The following DNAJB6 variants were observed in gnomAD, a reference collection of about 807,000 sequenced individuals.
The protein encoded by DNAJB6 is dnaJ homolog subfamily B member 6.
DNAJB6 carries 16 observed loss-of-function variants against 42.7 expected under a neutral mutation model. That is an observed-to-expected ratio of 0.37 (90% CI 0.25 to 0.57). The LOEUF is 0.57. Among genes scored for constraint, DNAJB6 ranks in the 20% least tolerant of loss-of-function variants. The pLI is 0.74. For synonymous variants in DNAJB6, 170 were observed against 163.5 expected (o/e 1.04, Z -0.30); for missense variants, 347 against 416.8 (o/e 0.83, Z 1.46).
chr7:157,337,784 A>T (rs1012535485), intron 1 of DNAJB6: 3 of 152,240 alleles, frequency 2.0e-5, no homozygotes, highest in African/African-American at 7.2e-5. Flanking sequence ...TTATATAAGA[A>T]GTTTACATTA....
At position 157,395,684 on chromosome 7, in the gene DNAJB6, C is replaced by CTTTTTTTT. The variant is rs869242320; in HGVS notation, c.691+10084_691+10091dup. ...ACATTCATTCTACGTTTTTTCTTTT[C>CTTTTTTTT]TTTTTTTTTTTTTTTTTTGAGACGG... On this transcript the variant is annotated intron_variant, in intron 8 of 9. Transcript: ENST00000262177. 3.8e-5 allele frequency among the ~76,000 whole-genome samples: 5 copies of CTTTTTTTT among 131,896 alleles called. No individual in the cohort carries two copies. The East Asian group carries it at 6.5e-4, about 17-fold the overall frequency. 86.5% of individuals were successfully genotyped at this position (131,896 alleles called of 152,430 possible).
intron 8 of DNAJB6, among the ~76,000 whole-genome samples, chr7:157,387,794 G>T (rs1489365907): frequency 7.0e-6 from 1 of 143,760 alleles, no homozygotes; most frequent in African/African-American, 3.0e-5. Context: ...TTTTTTTGAG[G>T]AGGAGGGAGC....
chr7:157,374,154 C>T (rs745816632), intron 5 of DNAJB6, among the ~76,000 whole-genome samples: 16 of 152,320 alleles, frequency 1.1e-4, no homozygotes, highest in East Asian at 3.9e-4. Context: ...CATCCCCACG[C>T]GCTCTTCCTC....
chr7:157,388,264 G>A (rs1332650478), intron 8 of DNAJB6, among the ~76,000 whole-genome samples: 1 of 152,130 alleles, frequency 6.6e-6, no homozygotes, highest in Non-Finnish European at 1.5e-5. Context: ...TTTAAACCCC[G>A]TTAAGTTTAT....
intron 6 of DNAJB6, chr7:157,382,589 CCT>C: frequency 5.4e-6 from 2 of 368,200 alleles, no homozygotes; most frequent in South Asian, 1.2e-4. Flanking sequence ...GAAATCTTCT[CCT>C]CTTAATATAA....
intron 1 of DNAJB6, among the ~76,000 whole-genome samples, chr7:157,341,171 G>T (rs1440288909): frequency 6.6e-6 from 1 of 151,998 alleles, no homozygotes; most frequent in African/African-American, 2.4e-5. Flanking sequence ...TATTGCCCAG[G>T]CTGGATGCAG....
intron 8 of DNAJB6, among the ~76,000 whole-genome samples, chr7:157,390,301 TTC>T (rs1481335576): frequency 3.3e-5 from 5 of 152,254 alleles, no homozygotes; most frequent in African/African-American, 4.8e-5. Flanking sequence ...TTTACAAAGA[TTC>T]TCCACTCCTG....
At chr7:157,375,236 G>A (rs1377070677) in intron 5 of DNAJB6, among the ~76,000 whole-genome samples, 1 of 152,190 alleles carries the variant, frequency 6.6e-6, no homozygotes, top group African/African-American at 2.4e-5. Flanking sequence ...GGCCATCTGC[G>A]AGTAGGGCTC....
At chr7:157,352,389 C>T (rs918896299) in intron 1 of DNAJB6, among the ~76,000 whole-genome samples, 1 of 151,828 alleles carries the variant, frequency 6.6e-6, no homozygotes, top group Non-Finnish European at 1.5e-5. Context: ...CTAGGAGTAT[C>T]TTCAGTATTG....
intron 1 of DNAJB6, among the ~76,000 whole-genome samples, chr7:157,351,808 A>G (rs1798993992): frequency 6.6e-6 from 1 of 150,688 alleles, no homozygotes; most frequent in Non-Finnish European, 1.5e-5. Flanking sequence ...TACTTTAAAA[A>G]AAACCCAAAA....
intron 7 of DNAJB6, among the ~76,000 whole-genome samples, 161 bp downstream of exon 7, chr7:157,385,169 C>G (rs1800991982): frequency 6.6e-6 from 1 of 152,190 alleles, no homozygotes; most frequent in Non-Finnish European, 1.5e-5. Flanking sequence ...AAAGCCTTTT[C>G]TCTTAAATTT....
chr7:157,339,276 T>G (rs932469281), intron 1 of DNAJB6, among the ~76,000 whole-genome samples: 1 of 146,376 alleles, frequency 6.8e-6, no homozygotes, highest in Non-Finnish European at 1.5e-5. Flanking sequence ...ATGGTCTGTT[T>G]GCACCTTTTT....
chr7:157,407,100 G>C (rs370524982), intron 8 of DNAJB6, among the ~76,000 whole-genome samples: 3 of 151,566 alleles, frequency 2.0e-5, no homozygotes, highest in Non-Finnish European at 4.4e-5. Flanking sequence ...GCTGGGAGGT[G>C]GGGGGGGTCC....
At position 157,384,964 on chromosome 7, in the gene DNAJB6, A is replaced by T. The variant is rs369505724; in HGVS notation, c.576A>T (p.Ser192=). The change falls in exon 7 of 10, where the codon TCA becomes TCT. Residue 192 remains serine (S), a synonymous_variant. Coordinates refer to ENST00000262177, the MANE Select transcript of DNAJB6 (RefSeq NM_058246.4). ...GSGMGNFKSI[S]TSTKMVNGRK... ...GCATGGGCAACTTCAAATCGATATC[A>T]ACTTCAACTAAAATGGTTAATGGCA... 1 of 1,614,170 alleles carries T rather than the reference A, an allele frequency of 6.2e-7. No individual in the cohort carries two copies.
intron 8 of DNAJB6, among the ~76,000 whole-genome samples, chr7:157,398,437 A>G (rs752321393): frequency 5.3e-5 from 8 of 152,226 alleles, no homozygotes; most frequent in Non-Finnish European, 1.0e-4. Context: ...GTATTTGGGA[A>G]AAGCGTGTTT....
intron 3 of DNAJB6, among the ~76,000 whole-genome samples, chr7:157,364,801 T>C (rs143492948): frequency 6.6e-6 from 1 of 152,272 alleles, no homozygotes; most frequent in African/African-American, 2.4e-5. Context: ...TGAGGTGTGT[T>C]TTTCATGTCC....
intron 1 of DNAJB6, among the ~76,000 whole-genome samples, chr7:157,357,288 G>T (rs12672903): frequency 0.078 from 2,497 of 32,000 alleles, 401 homozygotes; most frequent in Non-Finnish European, 0.13. Flanking sequence ...CCTTCCTTCC[G>T]TCCTTCCTTC....
At chr7:157,366,695 G>C in intron 4 of DNAJB6, 134 bp downstream of exon 4, 1 of 756,110 alleles carries the variant, frequency 1.3e-6, no homozygotes, top group Non-Finnish European at 2.2e-6. Flanking sequence ...GAACTAAATT[G>C]GGGAGAGGAC....
chr7:157,390,403 C>T (rs1294856029), intron 8 of DNAJB6, among the ~76,000 whole-genome samples: 1 of 152,208 alleles, frequency 6.6e-6, no homozygotes, highest in Non-Finnish European at 1.5e-5. Flanking sequence ...AGGTTGGTTT[C>T]TCTCTTAAAC....
Sources: allele counts gnomAD v4.1 joint callset (sites outside exome capture counted in the v4.1 genomes callset), GRCh38; gene constraint gnomAD v4.1.1; transcripts MANE v1.5; gene names NCBI Gene and HGNC (gene_info 2026-07-23, HGNC 2026-07-21).